ERICH3: variants seen among roughly 807,000 people sequenced by gnomAD.
The protein encoded by ERICH3 is glutamate rich 3.
Under a neutral mutation model 131.1 loss-of-function variants are expected in ERICH3, and 126 were observed. That is an observed-to-expected ratio of 0.96 (90% CI 0.83 to 1.11). The LOEUF is 1.11. Among genes scored for constraint, ERICH3 ranks in the 50% most tolerant of loss-of-function variants. The pLI is 0.00. For missense variants in ERICH3, 2,050 were observed against 1,810.7 expected (o/e 1.13, Z -2.40); for synonymous variants, 695 against 644.6 (o/e 1.08, Z -1.18).
At chr1:74,621,643 G>A (rs1649225660) in intron 7 of ERICH3, 1 of 152,230 alleles carries the variant, frequency 6.6e-6, no homozygotes, top group Non-Finnish European at 1.5e-5. Flanking sequence ...CTATGGCATT[G>A]CCCAATTTAA....
intron 12 of ERICH3, among the ~76,000 whole-genome samples, chr1:74,580,913 G>GC: frequency 6.6e-6 from 1 of 152,022 alleles, no homozygotes; most frequent in Non-Finnish European, 1.5e-5. Context: ...TCAATCCACG[G>GC]CCCCCTTTCA....
chr1:74,571,791 C>T lies in ERICH3; in HGVS notation c.3919G>A (p.Glu1307Lys). The T allele has an allele frequency of 1.2e-6, 2 of 1,613,954 alleles. No homozygotes were observed. The highest frequency in any genetic ancestry group is 2.2e-5 in the East Asian group (1 of 44,872). The change falls in exon 14 of 15, where the codon GAA becomes AAA. Residue 1307 changes from glutamate to lysine, a missense_variant. Glu to Lys is a moderately conservative substitution (Grantham distance 56). Transcript: ENST00000326665. ...TCCGAGTTCCTGTCCTGCATCGCTTCTGTCTCCAGAGTGCACTCTTTGTCC... is the reference window on the plus strand; with the variant it reads ...TCCGAGTTCCTGTCCTGCATCGCTTTTGTCTCCAGAGTGCACTCTTTGTCC... Reference protein sequence around the residue: ...EEDKECTLETEAMQDRNSEGD... With the variant: ...EEDKECTLETKAMQDRNSEGD...
chr1:74,606,972 G>A, intron 9 of ERICH3, 70 bp from the exon 10 acceptor site: 1 of 1,377,224 alleles, frequency 7.3e-7, no homozygotes, highest in Non-Finnish European at 9.9e-7. Context: ...CAAAGCTTTT[G>A]AAAGCACTTA....
chr1:74,616,810 T>C (rs1401972451), intron 8 of ERICH3, among the ~76,000 whole-genome samples: 1 of 152,102 alleles, frequency 6.6e-6, no homozygotes, highest in Admixed American at 6.5e-5. Flanking sequence ...AAGAATAGCA[T>C]GTGAACACAG....
chr1:74,653,460 A>G (rs1646556481), intron 1 of ERICH3, among the ~76,000 whole-genome samples: 1 of 151,874 alleles, frequency 6.6e-6, no homozygotes, highest in Non-Finnish European at 1.5e-5. Context: ...GAGAGAGGAG[A>G]AAGAGAGAGA....
At chr1:74,579,958 T>C (rs1250369476) in intron 12 of ERICH3, 1 of 863,424 alleles carries the variant, frequency 1.2e-6, no homozygotes, top group East Asian at 1.2e-4. Context: ...TTAAGGTATT[T>C]TTTTAAATAT....
At chr1:74,667,207 A>G (rs1646700540) in intron 1 of ERICH3, among the ~76,000 whole-genome samples, 1 of 152,088 alleles carries the variant, frequency 6.6e-6, no homozygotes, top group Non-Finnish European at 1.5e-5. Flanking sequence ...TTTTATATGA[A>G]TCATACACAT....
chr1:74,650,450 A>G (rs148680868), intron 1 of ERICH3, among the ~76,000 whole-genome samples: 146 of 152,298 alleles, frequency 9.6e-4, no homozygotes, highest in African/African-American at 3.2e-3. Context: ...ATACATTCAT[A>G]CATAGACATA....
intron 5 of ERICH3, among the ~76,000 whole-genome samples, chr1:74,637,344 C>T (rs6671066): frequency 0.43 from 64,830 of 151,954 alleles, 14,851 homozygotes; most frequent in Non-Finnish European, 0.52. Flanking sequence ...TGTCCAATTC[C>T]TCTGTTCCCC....
At chr1:74,585,988 A>T (rs915763823) in intron 12 of ERICH3, among the ~76,000 whole-genome samples, 11 of 152,046 alleles carry the variant, frequency 7.2e-5, no homozygotes, top group Non-Finnish European at 5.9e-5. Context: ...TCTGAATATT[A>T]TACATGGTCT....
intron 13 of ERICH3, among the ~76,000 whole-genome samples, chr1:74,575,008 A>G (rs987155211): frequency 2.7e-5 from 4 of 150,828 alleles, no homozygotes; most frequent in Non-Finnish European, 5.9e-5. Context: ...AAAAACTTAT[A>G]AAGTAGGCAA....
Position 74,592,232 on chromosome 1 carries a change from A to T in ERICH3, c.1727-2152T>A, listed in dbSNP as rs1168196007. On this transcript the variant is annotated intron_variant, in intron 11 of 14. Transcript: ENST00000326665. ...CAGATGACCACTATTTTTCAAATAA[A>T]TCACATACTCTAGCTACTCATTCTT... The T allele has an allele frequency of 2.6e-5, 4 of 152,308 alleles. No individual in the cohort carries two copies. The East Asian group carries it at 7.7e-4, about 29-fold the overall frequency. The allele number at this position is 152,308 out of a possible 1,614,324, so 9.4% of individuals were successfully genotyped here.
chr1:74,573,251 T>C lies in ERICH3; in HGVS notation c.2459A>G (p.Glu820Gly), dbSNP rs752243191. The C allele has an allele frequency of 1.9e-6, 3 of 1,599,904 alleles. No individual in the cohort carries two copies. Among genetic ancestry groups the C allele is most frequent in the African/African-American group, 2.7e-5 (2 of 74,214 alleles). ...TTTTTCTGTAAACTCTTCTGCCAAT[T>C]CTGGCTGCTCTGCTGTTGGCTTCCA... ...RAWKPTAEQPELAEEFTEKRE... is the reference protein window; with the variant it reads ...RAWKPTAEQPGLAEEFTEKRE... Residue 820 changes from glutamate (E) to glycine (G), a missense_variant, in exon 14 of 15, where the codon GAA becomes GGA. Glu to Gly is a moderately conservative substitution (Grantham distance 98). Coordinates refer to ENST00000326665, the MANE Select transcript of ERICH3 (RefSeq NM_001002912.5).
At chr1:74,613,131 C>T (rs918971712) in intron 8 of ERICH3, among the ~76,000 whole-genome samples, 11 of 152,248 alleles carry the variant, frequency 7.2e-5, no homozygotes, top group South Asian at 2.1e-4. Context: ...ATTGGACAAG[C>T]TAGATCTAGA....
At chr1:74,620,699 C>G in intron 8 of ERICH3, 35 bp downstream of exon 8, 1 of 1,516,546 alleles carries the variant, frequency 6.6e-7, no homozygotes, top group East Asian at 2.3e-5. Context: ...ACATCAACTC[C>G]AAGCAATTAA....
intron 1 of ERICH3, among the ~76,000 whole-genome samples, chr1:74,657,756 A>C (rs767744860): frequency 4.5e-4 from 68 of 152,280 alleles, no homozygotes; most frequent in Non-Finnish European, 4.6e-4. Context: ...AATGGGAGTC[A>C]GTAGGCCGGA....
intron 13 of ERICH3, 58 bp from the exon 14 acceptor site, chr1:74,573,549 A>G (rs1246678806): frequency 6.9e-7 from 1 of 1,457,766 alleles, no homozygotes; most frequent in Non-Finnish European, 9.0e-7. Context: ...AAGGGAGGGG[A>G]CACTATAATC....
chr1:74,655,542 C>T (rs896402313), intron 1 of ERICH3, among the ~76,000 whole-genome samples: 12 of 152,178 alleles, frequency 7.9e-5, no homozygotes, highest in African/African-American at 2.7e-4. Flanking sequence ...CTTCTGCCTC[C>T]CTCTTCCCCA....
At chr1:74,659,855 C>A (rs1646623619) in intron 1 of ERICH3, among the ~76,000 whole-genome samples, 1 of 152,090 alleles carries the variant, frequency 6.6e-6, no homozygotes, top group African/African-American at 2.4e-5. Flanking sequence ...ATTGTGGGGA[C>A]AGAAGTACTA....
Sources: allele counts gnomAD v4.1 joint callset (sites outside exome capture counted in the v4.1 genomes callset), GRCh38; gene constraint gnomAD v4.1.1; transcripts MANE v1.5; gene names NCBI Gene and HGNC (gene_info 2026-07-23, HGNC 2026-07-21).